Variants in CDX2 observed in about 807,000 individuals in gnomAD.
CDX2 encodes the protein caudal type homeobox 2.
A neutral mutation model predicts 25.5 loss-of-function variants in CDX2; 7 were observed. That is an observed-to-expected ratio of 0.27 (90% confidence interval 0.16 to 0.52). The LOEUF (loss-of-function observed/expected upper bound fraction) is 0.52, where lower values mean the gene tolerates loss of function less well. CDX2 is among the 20% of genes least tolerant of loss of function. The pLI, the probability that CDX2 is intolerant of heterozygous loss-of-function variation, is 0.97. For synonymous variants in CDX2, 222 were observed against 198.6 expected (o/e 1.12, Z -0.99); for missense variants, 375 against 431.4 (o/e 0.87, Z 1.16).
chr13:27,968,508 C>T lies in CDX2; in HGVS notation c.499G>A (p.Glu167Lys). 1.3e-6 allele frequency: 2 copies of T among 1,564,872 alleles called. No individual in the cohort carries two copies. The highest frequency in any genetic ancestry group is 1.7e-6 in the Non-Finnish European group (2 of 1,166,880). The change falls in exon 1 of 3, where the codon GAG becomes AAG. Residue 167 changes from glutamate (E) to lysine (K), a missense_variant. Coordinates refer to ENST00000381020, the MANE Select transcript of CDX2 (RefSeq NM_001265.6). ...TGCTGCGCCGGCTTCCGCATCCACT[C>T]GCACAGGTTCCGCCGCTGGCCGCCG... Reference protein sequence around the residue: ...SPGGQRRNLCEWMRKPAQQSL... With the variant: ...SPGGQRRNLCKWMRKPAQQSL...
Position 27,963,159 on chromosome 13 carries a change from G to C in CDX2, c.898C>G (p.Leu300Val). The C allele has an allele frequency of 6.2e-7, 1 of 1,614,116 alleles. No homozygotes were observed. The highest frequency in any genetic ancestry group is 8.5e-7 in the Non-Finnish European group (1 of 1,179,986). Residue 300 changes from leucine to valine, a missense_variant, in exon 3 of 3, where the codon CTG (leucine) becomes GTG (valine). By Grantham distance (32) the Leu-to-Val change is conservative. This residue lies in a region of CDX2 where 58 missense variants were observed against 59.4 expected (regional missense o/e 0.98). Transcript: ENST00000381020. Reference sequence around the variant, plus strand: ...TTTAGCACCCCCCCAGTTGGCCCCAGAACCCCAGGGACAGAGCCAGGCACT... The same window carrying C: ...TTTAGCACCCCCCCAGTTGGCCCCACAACCCCAGGGACAGAGCCAGGCACT... ...ASVPGSVPGV[L>V]GPTGGVLNPT...
Position 27,969,124 on chromosome 13 carries a change from C to A in CDX2, c.-118G>T. Reference sequence around the variant, plus strand: ...CTCGAGGAGCGGCGGGTGGCTGCGCCCCAGCCCGCGGTGCTCCGCTGGCTC... The same window carrying A: ...CTCGAGGAGCGGCGGGTGGCTGCGCACCAGCCCGCGGTGCTCCGCTGGCTC... On this transcript the variant is annotated 5_prime_UTR_variant, in exon 1 of 3. Coordinates refer to ENST00000381020, the MANE Select transcript of CDX2 (RefSeq NM_001265.6). 2 of 724,872 alleles carry A rather than the reference C, an allele frequency of 2.8e-6. No homozygotes were observed. The highest frequency in any genetic ancestry group is 1.9e-5 in the South Asian group (1 of 52,580). 44.9% of individuals were successfully genotyped at this position (724,872 alleles called of 1,614,324 possible). A position where few individuals can be genotyped will look rare whatever the true frequency, so the allele number is the denominator to read the frequency against.
In CDX2 at chr13:27,968,503, C is replaced by A; in HGVS notation, c.504G>T (p.Trp168Cys). Residue 168 changes from tryptophan to cysteine, a missense_variant, in exon 1 of 3, where the codon TGG (tryptophan) becomes TGT (cysteine). Transcript: ENST00000381020. ...PGGQRRNLCE[W>C]MRKPAQQSLG... ...GGGACTGCTGCGCCGGCTTCCGCAT[C>A]CACTCGCACAGGTTCCGCCGCTGGC... 2 of 1,562,470 alleles carry A rather than the reference C, an allele frequency of 1.3e-6. No individual in the cohort carries two copies. Among genetic ancestry groups the A allele is most frequent in the East Asian group, 2.5e-5 (1 of 40,126 alleles).
Position 27,963,294 on chromosome 13 carries a change from G to T in CDX2, c.763C>A (p.Gln255Lys). ...GGCGGAGGCGGCTGTGGTGGCTGCTGCTGCTGTTGCTGCTGCAACTTCTTC... is the reference window on the plus strand; with the variant it reads ...GGCGGAGGCGGCTGTGGTGGCTGCTTCTGCTGTTGCTGCTGCAACTTCTTC... ...NKKKLQQQQQ[Q>K]QPPQPPPPPP... Residue 255 changes from glutamine (Q) to lysine (K), a missense_variant, in exon 3 of 3, where the codon CAG (glutamine) becomes AAG (lysine). Coordinates refer to ENST00000381020, the MANE Select transcript of CDX2 (RefSeq NM_001265.6). The T allele has an allele frequency of 6.2e-7, 1 of 1,613,788 alleles. No homozygotes were observed. The highest frequency in any genetic ancestry group is 1.1e-5 in the South Asian group (1 of 91,058).
At chr13:27,963,441 G>A in intron 2 of CDX2, 72 bp from the exon 3 acceptor site, 1 of 1,247,084 alleles carries the variant, frequency 8.0e-7, no homozygotes, top group Non-Finnish European at 1.1e-6. Context: ...GTACCCAGCA[G>A]TATCATCAAC....
In CDX2 at chr13:27,968,513, A is replaced by G. The variant is rs780416941; in HGVS notation, c.494T>C (p.Leu165Pro). Residue 165 changes from leucine (L) to proline (P), a missense_variant, in exon 1 of 3, where the codon CTG becomes CCG. Physicochemically the swap from Leu to Pro is moderately conservative, Grantham distance 98. Around this residue, in one of 3 missense-constraint regions of CDX2, gnomAD observed 253 missense variants for 247.5 expected, o/e 1.02. Coordinates refer to ENST00000381020, the MANE Select transcript of CDX2 (RefSeq NM_001265.6). ...QLSPGGQRRN[L>P]CEWMRKPAQQ... is the part of the protein sequence containing the mutation. ...CGCCGGCTTCCGCATCCACTCGCAC[A>G]GGTTCCGCCGCTGGCCGCCGGGAGA... 6 of 1,564,870 alleles carry G rather than the reference A, an allele frequency of 3.8e-6. No individual in the cohort carries two copies. In the East Asian group the frequency reaches 9.9e-5, roughly 26 times the overall value.
At chr13:27,967,422 C>A in intron 1 of CDX2, 1 of 499,984 alleles carries the variant, frequency 2.0e-6, no homozygotes, top group Admixed American at 2.4e-5. Context: ...TGCCCATAAC[C>A]AGCGTGCCTG....
intron 1 of CDX2, chr13:27,967,395 T>C (rs1012516786): frequency 1.9e-5 from 10 of 518,944 alleles, no homozygotes; most frequent in Non-Finnish European, 3.4e-5. Context: ...TGTAATTGGC[T>C]ATAAACTTCT....
At position 27,968,545 on chromosome 13, in the gene CDX2, C is replaced by G. The variant is rs762779063; in HGVS notation, c.462G>C (p.Glu154Asp). ...GCCGCTGGCCGCCGGGAGACAGCTG[C>G]TCGGCGGCAGCGGTGGCGGCGGGCC... ...PPGPAATAAAEQLSPGGQRRN... is the reference protein window; with the variant it reads ...PPGPAATAAADQLSPGGQRRN... Residue 154 changes from glutamate (E) to aspartate (D), a missense_variant, in exon 1 of 3, where the codon GAG becomes GAC. Glu to Asp is a conservative substitution (Grantham distance 45). This residue lies in a region of CDX2 where 253 missense variants were observed against 247.5 expected (regional missense o/e 1.02). Transcript: ENST00000381020. The G allele has an allele frequency of 7.6e-6, 12 of 1,568,768 alleles. No individual in the cohort carries two copies. In the African/African-American group the frequency reaches 1.3e-4, roughly 17 times the overall value.
At chr13:27,963,434 C>G (rs1482673032) in intron 2 of CDX2, 65 bp from the exon 3 acceptor site, 7 of 1,299,054 alleles carry the variant, frequency 5.4e-6, no homozygotes, top group Non-Finnish European at 7.4e-6. Flanking sequence ...AGGAACAGTA[C>G]CCAGCAGTAT....
chr13:27,968,082 C>T (rs1869424851), intron 1 of CDX2, among the ~76,000 whole-genome samples: 1 of 152,238 alleles, frequency 6.6e-6, no homozygotes, highest in Non-Finnish European at 1.5e-5. Context: ...CTCCCTCTCT[C>T]CTCGGCGGCC....
At chr13:27,965,793 A>C (rs760113122) in intron 1 of CDX2, among the ~76,000 whole-genome samples, 1 of 152,210 alleles carries the variant, frequency 6.6e-6, no homozygotes, top group Non-Finnish European at 1.5e-5. Context: ...GCCTTGACAA[A>C]TAGTGTCCAC....
At position 27,962,783 on chromosome 13, in the gene CDX2, G is replaced by T. The variant is rs1211584669; in HGVS notation, c.*332C>A. ...GAGGTGCAGCCTGCAGATCTAGGAA[G>T]AGAAGAGCTGGGGAGGAGGATGAAG... On this transcript the variant is annotated 3_prime_UTR_variant, in exon 3 of 3. Coordinates refer to ENST00000381020, the MANE Select transcript of CDX2 (RefSeq NM_001265.6). 12 of 280,488 alleles carry T rather than the reference G, an allele frequency of 4.3e-5. No homozygotes were observed. Among genetic ancestry groups the T allele is most frequent in the Non-Finnish European group, 7.3e-5 (11 of 149,992 alleles). The allele number at this position is 280,488 out of a possible 1,614,324, so 17.4% of individuals were successfully genotyped here. A position where few individuals can be genotyped will look rare whatever the true frequency, so the allele number is the denominator to read the frequency against.
Position 27,964,999 on chromosome 13 carries a change from T to C in CDX2, c.558A>G (p.Lys186=), listed in dbSNP as rs1392572038. 1.2e-6 allele frequency: 2 copies of C among 1,614,086 alleles called. No individual in the cohort carries two copies. The highest frequency in any genetic ancestry group is 1.7e-6 in the Non-Finnish European group (2 of 1,180,002). Reference sequence around the variant, plus strand: ...CCGTGTACACCACTCGATATTTGTCTTTCGTCCTGGTTTTCACTGTGGAGG... The same window carrying C: ...CCGTGTACACCACTCGATATTTGTCCTTCGTCCTGGTTTTCACTGTGGAGG... ...SLGSQVKTRT[K]DKYRVVYTDH... Residue 186 remains lysine, a synonymous_variant, in exon 2 of 3, where the codon AAA becomes AAG. Transcript: ENST00000381020. The surrounding 1 kb of genome is among the most constrained non-coding windows in gnomAD (Gnocchi z 4.7).
At position 27,964,745 on chromosome 13, in the gene CDX2, G is replaced by C; in HGVS notation, c.687+125C>G. On this transcript the variant is annotated intron_variant, in intron 2 of 2. Coordinates refer to ENST00000381020, the MANE Select transcript of CDX2 (RefSeq NM_001265.6). The surrounding 1 kb of genome is among the most constrained non-coding windows in gnomAD (Gnocchi z 4.7). ...AAAAAAAAAAAAGGACTCCAAAGAC[G>C]AATGCTTGCATCCTCCTGCTTCAGT... 5.8e-6 allele frequency: 3 copies of C among 519,484 alleles called. No homozygotes were observed. The highest frequency in any genetic ancestry group is 1.0e-5 in the Non-Finnish European group (3 of 292,088). The allele number at this position is 519,484 out of a possible 1,614,324, so 32.2% of individuals were successfully genotyped here.
chr13:27,962,746 C>T lies in CDX2; in HGVS notation c.*369G>A, dbSNP rs1295457160. The T allele has an allele frequency of 1.2e-5, 3 of 252,414 alleles. No individual in the cohort carries two copies. Among genetic ancestry groups the T allele is most frequent in the African/African-American group, 2.2e-5 (1 of 46,126 alleles). The allele number at this position is 252,414 out of a possible 1,614,324, so 15.6% of individuals were successfully genotyped here. On this transcript the variant is annotated 3_prime_UTR_variant, in exon 3 of 3. Coordinates refer to ENST00000381020, the MANE Select transcript of CDX2 (RefSeq NM_001265.6). ...TTTCCCTTGAGTCCCTCTCTCCCCT[C>T]GGCTCTAGCCAGAGGTGCAGCCTGC...
At position 27,969,152 on chromosome 13, in the gene CDX2, C is replaced by T; in HGVS notation, c.-146G>A. Reference sequence around the variant, plus strand: ...AGCCCGCGGTGCTCCGCTGGCTCCTCGCGGCTCTTCTGCCTCCGAGGCGGT... The same window carrying T: ...AGCCCGCGGTGCTCCGCTGGCTCCTTGCGGCTCTTCTGCCTCCGAGGCGGT... On this transcript the variant is annotated 5_prime_UTR_variant, in exon 1 of 3. Coordinates refer to ENST00000381020, the MANE Select transcript of CDX2 (RefSeq NM_001265.6). 3.4e-6 allele frequency: 2 copies of T among 583,618 alleles called. No individual in the cohort carries two copies. Among genetic ancestry groups the T allele is most frequent in the Admixed American group, 3.5e-5 (1 of 28,790 alleles). 36.2% of individuals were successfully genotyped at this position (583,618 alleles called of 1,614,324 possible).
At position 27,967,257 on chromosome 13, in the gene CDX2, C is replaced by G. The variant is rs1397000146; in HGVS notation, c.541+1209G>C. The G allele has an allele frequency of 6.0e-6, 3 of 503,900 alleles. No individual in the cohort carries two copies. In the East Asian group the frequency reaches 1.3e-4, roughly 23 times the overall value. The allele number at this position is 503,900 out of a possible 1,614,324, so 31.2% of individuals were successfully genotyped here. A position where few individuals can be genotyped will look rare whatever the true frequency, so the allele number is the denominator to read the frequency against. On this transcript the variant is annotated intron_variant, in intron 1 of 2. Transcript: ENST00000381020. ...ACCAAGCCAAAGCTCTGAGGCTCACCCGAGGCTGATCTGTGGCCTTCTCCC... is the reference window on the plus strand; with the variant it reads ...ACCAAGCCAAAGCTCTGAGGCTCACGCGAGGCTGATCTGTGGCCTTCTCCC...
chr13:27,967,252 C>G (rs1370417792), intron 1 of CDX2: 2 of 502,630 alleles, frequency 4.0e-6, no homozygotes, highest in East Asian at 9.0e-5. Context: ...AGCTCTGAGG[C>G]TCACCCGAGG....
Sources: allele counts gnomAD v4.1 joint callset (sites outside exome capture counted in the v4.1 genomes callset), GRCh38; gene constraint gnomAD v4.1.1; regional missense constraint gnomAD v4.1.1; non-coding constraint Gnocchi (gnomAD v3.1); transcripts MANE v1.5; gene names NCBI Gene and HGNC (gene_info 2026-07-23, HGNC 2026-07-21).